RBMS1: variants seen among roughly 807,000 people sequenced by gnomAD.
RBMS1 encodes the protein RNA binding motif single stranded interacting protein 1.
In RBMS1, 17 loss-of-function variants were observed where a neutral mutation model predicts 62.3. That is an observed-to-expected ratio of 0.27 (90% CI 0.19 to 0.41). RBMS1 has a LOEUF of 0.41. RBMS1 is among the 10% of genes least tolerant of loss of function. The pLI is 1.00. For missense variants in RBMS1, 334 were observed against 504.5 expected (o/e 0.66, Z 3.24); for synonymous variants, 172 against 170.0 (o/e 1.01, Z -0.09).
At chr2:160,278,679 G>A (rs1454049239) in intron 10 of RBMS1, 21 bp from the exon 11 acceptor site, 5 of 1,511,262 alleles carry the variant, frequency 3.3e-6, no homozygotes, top group Non-Finnish European at 3.6e-6. Flanking sequence ...GGAGACAGGA[G>A]CAAAATTAGA....
intron 2 of RBMS1, among the ~76,000 whole-genome samples, chr2:160,334,539 G>A (rs1005456535): frequency 1.3e-5 from 2 of 152,224 alleles, no homozygotes; most frequent in African/African-American, 4.8e-5. Flanking sequence ...ATAAAATCAG[G>A]TTATTTGGTA....
chr2:160,379,733 T>C (rs1694182386), intron 1 of RBMS1, among the ~76,000 whole-genome samples: 1 of 152,264 alleles, frequency 6.6e-6, no homozygotes, highest in South Asian at 2.1e-4. Flanking sequence ...TATTAGTCTT[T>C]CTCTGCACCT....
intron 1 of RBMS1, among the ~76,000 whole-genome samples, chr2:160,372,503 T>C (rs1693779852): frequency 6.6e-6 from 1 of 152,164 alleles, no homozygotes; most frequent in Non-Finnish European, 1.5e-5. Context: ...GGAAACAGTA[T>C]AAGATCAAGC....
In RBMS1 at chr2:160,274,423, T is replaced by C. The variant is rs1363687826; in HGVS notation, c.*349A>G. The C allele has an allele frequency of 6.6e-6, 1 of 151,502 alleles. No homozygotes were observed. Among genetic ancestry groups the C allele is most frequent in the Non-Finnish European group, 1.5e-5 (1 of 67,808 alleles). The allele number at this position is 151,502 out of a possible 1,614,324, so 9.4% of individuals were successfully genotyped here. On this transcript the variant is annotated 3_prime_UTR_variant, in exon 14 of 14. Transcript: ENST00000348849. ...CATGCACTTGGATAAGTCTTCATGG[T>C]CTTTGTGCATACCCAGAAAATTGAA...
At chr2:160,363,123 G>A (rs140056927) in intron 2 of RBMS1, among the ~76,000 whole-genome samples, 79 of 152,210 alleles carry the variant, frequency 5.2e-4, no homozygotes, top group African/African-American at 1.5e-3. Context: ...TGATAATAGC[G>A]TTATTTGACC....
At chr2:160,358,784 T>A (rs1367827067) in intron 2 of RBMS1, among the ~76,000 whole-genome samples, 1 of 152,182 alleles carries the variant, frequency 6.6e-6, no homozygotes, top group African/African-American at 2.4e-5. Context: ...GATTAGTTTT[T>A]ATTTTTTTAA....
chr2:160,401,051 C>A (rs903525300), intron 1 of RBMS1, among the ~76,000 whole-genome samples: 8 of 151,742 alleles, frequency 5.3e-5, no homozygotes, highest in African/African-American at 1.9e-4. Context: ...TTGTGGGGGA[C>A]AAGAGAGACT....
chr2:160,438,847 C>G (rs1465722894), intron 1 of RBMS1, among the ~76,000 whole-genome samples: 2 of 151,736 alleles, frequency 1.3e-5, no homozygotes, highest in East Asian at 3.9e-4. Flanking sequence ...CGGGCAGAGG[C>G]GCCCCTCACC....
At chr2:160,490,683 A>G (rs978599445) in intron 1 of RBMS1, among the ~76,000 whole-genome samples, 2 of 152,190 alleles carry the variant, frequency 1.3e-5, no homozygotes, top group Non-Finnish European at 2.9e-5. Flanking sequence ...ATAACTTTTA[A>G]AAGTATGGTA....
At chr2:160,481,640 G>A (rs1248187593) in intron 1 of RBMS1, among the ~76,000 whole-genome samples, 1 of 152,072 alleles carries the variant, frequency 6.6e-6, no homozygotes, top group East Asian at 1.9e-4. Context: ...AAGTTGAATT[G>A]CATGGTATGT....
intron 1 of RBMS1, among the ~76,000 whole-genome samples, chr2:160,485,248 C>G (rs1417535776): frequency 6.6e-6 from 1 of 152,196 alleles, no homozygotes; most frequent in Non-Finnish European, 1.5e-5. Context: ...CTCCCTGATC[C>G]CTGTGACTTC....
chr2:160,405,578 C>T (rs994500009), intron 1 of RBMS1, among the ~76,000 whole-genome samples: 2 of 152,154 alleles, frequency 1.3e-5, no homozygotes, highest in African/African-American at 2.4e-5. Flanking sequence ...CACTGGTACC[C>T]GGGGTCTTGT....
chr2:160,374,276 A>G (rs762490987), intron 1 of RBMS1, among the ~76,000 whole-genome samples: 2 of 152,132 alleles, frequency 1.3e-5, no homozygotes, highest in Non-Finnish European at 2.9e-5. Flanking sequence ...CAAACAAACA[A>G]ACAAAAACAA....
At chr2:160,381,649 A>T (rs567883654) in intron 1 of RBMS1, among the ~76,000 whole-genome samples, 29 of 152,200 alleles carry the variant, frequency 1.9e-4, no homozygotes, top group Non-Finnish European at 4.3e-4. Flanking sequence ...GGCATATGCC[A>T]TTCAGTTTCA....
At chr2:160,378,610 C>CT (rs1188380482) in intron 1 of RBMS1, among the ~76,000 whole-genome samples, 6 of 134,314 alleles carry the variant, frequency 4.5e-5, no homozygotes, top group South Asian at 2.5e-4. Context: ...AAGTAAGACT[C>CT]TATCTATAAA....
At chr2:160,426,510 A>G (rs564538078) in intron 1 of RBMS1, among the ~76,000 whole-genome samples, 13 of 152,306 alleles carry the variant, frequency 8.5e-5, no homozygotes, top group Admixed American at 5.2e-4. Context: ...TTTAATGTTT[A>G]TATTTTAGTG....
rs1559383858 is a variant in RBMS1, at chr2:160,324,911, CACACACACACACACACACACA to C, written c.252-6705_252-6685del. 7.4e-3 allele frequency among the ~76,000 whole-genome samples: 752 copies of C among 102,000 alleles called. 10 individuals carry two copies. The highest frequency in any genetic ancestry group is 0.025 in the African/African-American group (697 of 27,488). The allele number at this position is 102,000 out of a possible 152,430, so 66.9% of individuals were successfully genotyped here. ...ATATATATATATATATATATATACACACACACACACACACACACACACACACATATATATGCGCCAATTATT... is the reference window on the plus strand; with the variant it reads ...ATATATATATATATATATATATACACCACACATATATATGCGCCAATTATT... On this transcript the variant is annotated intron_variant, in intron 2 of 13. Coordinates refer to ENST00000348849, the MANE Select transcript of RBMS1 (RefSeq NM_016836.4).
At position 160,278,669 on chromosome 2, in the gene RBMS1, G is replaced by A. The variant is rs371377518; in HGVS notation, c.952-11C>T. 334 of 1,572,826 alleles carry A rather than the reference G, an allele frequency of 2.1e-4. 1 individual carries two copies. In the African/African-American group the frequency reaches 4.3e-3, roughly 20 times the overall value. On this transcript the variant is annotated splice_polypyrimidine_tract_variant and intron_variant, in intron 10 of 13. Transcript: ENST00000348849. ...AGTTAACACGGCACCCTGGGGAGTT[G>A]GAGACAGGAGCAAAATTAGACAAAC...
chr2:160,299,198 G>C (rs1689088548), intron 6 of RBMS1, among the ~76,000 whole-genome samples: 1 of 152,218 alleles, frequency 6.6e-6, no homozygotes, highest in Non-Finnish European at 1.5e-5. Flanking sequence ...GGGAAGTAAG[G>C]AAGTGAAGAC....
Sources: gnomAD v4.1 joint callset for allele counts (sites outside exome capture counted in the v4.1 genomes callset) on GRCh38, gnomAD v4.1.1 for gene constraint, MANE v1.5 for transcripts, NCBI Gene and HGNC (gene_info 2026-07-23, HGNC 2026-07-21) for gene names.